Variants in BMAL1 observed in about 807,000 individuals in gnomAD.
BMAL1 encodes basic helix-loop-helix ARNT like 1, also known as basic helix-loop-helix ARNT-like protein 1.
chr11:13,285,749 A>G, the BMAL1 span, among the ~76,000 whole-genome samples: 1 of 152,170 alleles, frequency 6.6e-6, no homozygotes, highest in Admixed American at 6.5e-5. Context: ...AAGGCCTTGT[A>G]AATACTTACA....
chr11:13,339,806 T>TA, the BMAL1 span, among the ~76,000 whole-genome samples: 731 of 152,164 alleles, frequency 4.8e-3, 2 homozygotes, highest in African/African-American at 0.014. Flanking sequence ...CCCGAGCACT[T>TA]ACTGCCATCC....
the BMAL1 span, among the ~76,000 whole-genome samples, chr11:13,383,046 T>C: frequency 2.7e-4 from 41 of 152,214 alleles, no homozygotes; most frequent in African/African-American, 6.5e-4. Flanking sequence ...GCAGGACTTA[T>C]AAGAAAAGCA....
the BMAL1 span, among the ~76,000 whole-genome samples, chr11:13,310,351 A>G: frequency 9.9e-4 from 151 of 152,268 alleles, no homozygotes; most frequent in Admixed American, 6.5e-4. Context: ...AGGGCAAGCT[A>G]GATTGAAAAA....
chr11:13,283,748 C>T, the BMAL1 span, among the ~76,000 whole-genome samples: 1 of 152,094 alleles, frequency 6.6e-6, no homozygotes, highest in South Asian at 2.1e-4. Context: ...ATAAGGGATG[C>T]GGACCTGGAT....
chr11:13,333,896 T>G, the BMAL1 span, among the ~76,000 whole-genome samples: 1 of 152,182 alleles, frequency 6.6e-6, no homozygotes. Context: ...ACCCACATCC[T>G]TTCCCTCTCC....
At chr11:13,295,993 T>G in the BMAL1 span, among the ~76,000 whole-genome samples, 1 of 152,148 alleles carries the variant, frequency 6.6e-6, no homozygotes, top group African/African-American at 2.4e-5. Flanking sequence ...TTTCTGAAAC[T>G]CTTGATTACC....
chr11:13,312,530 C>A, the BMAL1 span, among the ~76,000 whole-genome samples: 3 of 152,074 alleles, frequency 2.0e-5, no homozygotes, highest in African/African-American at 7.2e-5. Flanking sequence ...TAACTGTTTC[C>A]CCAGATAAAA....
the BMAL1 span, chr11:13,366,561 C>A: frequency 1.9e-6 from 2 of 1,044,940 alleles, no homozygotes; most frequent in Non-Finnish European, 2.9e-6. Flanking sequence ...AGGTCTCATG[C>A]ACAAAAACAC....
At chr11:13,308,379 T>C in the BMAL1 span, among the ~76,000 whole-genome samples, 1 of 152,134 alleles carries the variant, frequency 6.6e-6, no homozygotes, top group Non-Finnish European at 1.5e-5. Flanking sequence ...GGGTCCAGGC[T>C]TGGAGAGAAA....
chr11:13,329,449 A>G, the BMAL1 span, among the ~76,000 whole-genome samples: 1 of 152,174 alleles, frequency 6.6e-6, no homozygotes, highest in African/African-American at 2.4e-5. Flanking sequence ...TCTCAGGGCC[A>G]ATATGGACGA....
the BMAL1 span, among the ~76,000 whole-genome samples, chr11:13,301,952 C>G: frequency 6.6e-6 from 1 of 152,176 alleles, no homozygotes; most frequent in African/African-American, 2.4e-5. Context: ...TCTGTGCTTA[C>G]GACCATGAAG....
the BMAL1 span, among the ~76,000 whole-genome samples, chr11:13,369,236 C>T: frequency 3.3e-5 from 5 of 152,228 alleles, no homozygotes; most frequent in South Asian, 1.0e-3. Context: ...CTCTGGGAAG[C>T]ACAGGTTGTC....
chr11:13,362,516 CATTTTT>C, the BMAL1 span, among the ~76,000 whole-genome samples: 1 of 152,142 alleles, frequency 6.6e-6, no homozygotes, highest in African/African-American at 2.4e-5. Flanking sequence ...ATTCAACAAA[CATTTTT>C]GTTTACTTAC....
At chr11:13,336,470 G>A in the BMAL1 span, among the ~76,000 whole-genome samples, 2 of 152,272 alleles carry the variant, frequency 1.3e-5, no homozygotes, top group South Asian at 4.1e-4. Context: ...AAGTCAAGGA[G>A]GTAATGAGGC....
chr11:13,355,172 G>T, the BMAL1 span: 2 of 1,513,578 alleles, frequency 1.3e-6, no homozygotes, highest in South Asian at 2.3e-5. Context: ...TGTTTAATGA[G>T]GGAAAATCTC....
chr11:13,354,477 T>C, the BMAL1 span: 1 of 1,606,084 alleles, frequency 6.2e-7, no homozygotes, highest in South Asian at 1.1e-5. Flanking sequence ...GTCTTCCTCT[T>C]GTTAAACTTG....
chr11:13,323,115 A>G, the BMAL1 span, among the ~76,000 whole-genome samples: 1 of 151,896 alleles, frequency 6.6e-6, no homozygotes. Flanking sequence ...CAAGTCTTAA[A>G]AGATGAGTAG....
At chr11:13,330,163 C>T in the BMAL1 span, among the ~76,000 whole-genome samples, 1 of 152,202 alleles carries the variant, frequency 6.6e-6, no homozygotes, top group Non-Finnish European at 1.5e-5. Flanking sequence ...GCCAAAGCAG[C>T]AGGCCTTGAT....
At chr11:13,362,261 T>A in the BMAL1 span, among the ~76,000 whole-genome samples, 6 of 152,252 alleles carry the variant, frequency 3.9e-5, no homozygotes, top group Non-Finnish European at 5.9e-5. Context: ...CTGTATCATT[T>A]GGGGCAGCTG....
Sources: gnomAD v4.1 joint callset for allele counts (sites outside exome capture counted in the v4.1 genomes callset) on GRCh38, gnomAD v4.1.1 for gene constraint, MANE v1.5 for transcripts, NCBI Gene and HGNC (gene_info 2026-07-23, HGNC 2026-07-21) for gene names.